ATXN2: variants seen among roughly 807,000 people sequenced by gnomAD.
ATXN2 encodes ataxin 2.
In ATXN2, 37 loss-of-function variants were observed where a neutral mutation model predicts 138.6. The observed-to-expected ratio is 0.27, with a 90% CI of 0.21 to 0.35. The LOEUF (loss-of-function observed/expected upper bound fraction) is 0.35, where lower values mean the gene tolerates loss of function less well. ATXN2 is among the 10% of genes least tolerant of loss of function. The pLI is 1.00. For synonymous variants in ATXN2, 549 were observed against 543.7 expected, an observed-to-expected ratio of 1.01 and a Z score of -0.13; for missense variants, 1,216 against 1,480.3, an observed-to-expected ratio of 0.82 and a Z score of 2.93.
At chr12:111,576,116 A>ATAACATAACATAACG (rs1688756017) in intron 1 of ATXN2, among the ~76,000 whole-genome samples, 1 of 138,392 alleles carries the variant, frequency 7.2e-6, no homozygotes, top group East Asian at 2.2e-4. Flanking sequence ...ATAACATAAC[A>ATAACATAACATAACG]TAACATAACA....
At chr12:111,589,509 T>A (rs1253580939) in intron 1 of ATXN2, among the ~76,000 whole-genome samples, 1 of 151,962 alleles carries the variant, frequency 6.6e-6, no homozygotes, top group African/African-American at 2.4e-5. Flanking sequence ...CAGTGGCTTA[T>A]GCCTGTAATT....
chr12:111,462,869 A>G (rs564583098), intron 21 of ATXN2, among the ~76,000 whole-genome samples: 1 of 152,150 alleles, frequency 6.6e-6, no homozygotes, highest in Non-Finnish European at 1.5e-5. Flanking sequence ...CTTTAATAGT[A>G]TATACATACA....
In ATXN2 at chr12:111,599,081, G is replaced by C. The variant is rs1205645770; in HGVS notation, c.-47C>G. On this transcript the variant is annotated 5_prime_UTR_variant, in exon 1 of 25. Transcript: ENST00000673436. ...CTCGCACGCCGGGCGGGGACAGCCG[G>C]GAGCCGGGCGCGCCAAGGAGACGCC... 7.2e-7 allele frequency: 1 copy of C among 1,380,952 alleles called. No homozygotes were observed. The highest frequency in any genetic ancestry group is 1.5e-5 in the African/African-American group (1 of 66,370). The allele number at this position is 1,380,952 out of a possible 1,614,324, so 85.5% of individuals were successfully genotyped here. A position where few individuals can be genotyped will look rare whatever the true frequency, so the allele number is the denominator to read the frequency against.
At chr12:111,569,747 A>G (rs1883208717) in intron 1 of ATXN2, among the ~76,000 whole-genome samples, 1 of 152,064 alleles carries the variant, frequency 6.6e-6, no homozygotes, top group African/African-American at 2.4e-5. Flanking sequence ...CACTCTTCAT[A>G]TGAAGTTTTA....
chr12:111,554,324 G>T (rs1285861269), intron 2 of ATXN2, 107 bp from the exon 3 acceptor site: 4 of 708,766 alleles, frequency 5.6e-6, no homozygotes, highest in Non-Finnish European at 6.3e-6. Context: ...ATTTTTTTCG[G>T]ATTTGGGGAT....
At chr12:111,590,879 A>G (rs1050053229) in intron 1 of ATXN2, among the ~76,000 whole-genome samples, 2 of 151,870 alleles carry the variant, frequency 1.3e-5, no homozygotes, top group Admixed American at 1.3e-4. Flanking sequence ...ATGCATAATG[A>G]TCTGAGGTGG....
At chr12:111,562,662 G>A (rs759576261) in intron 1 of ATXN2, among the ~76,000 whole-genome samples, 3 of 143,796 alleles carry the variant, frequency 2.1e-5, no homozygotes, top group Admixed American at 7.3e-5. Context: ...AGAGGTTGCA[G>A]TGAGCCAAGA....
chr12:111,488,187 A>G (rs973451354), intron 15 of ATXN2, among the ~76,000 whole-genome samples: 1 of 152,174 alleles, frequency 6.6e-6, no homozygotes, highest in African/African-American at 2.4e-5. Context: ...CCCTGAATTG[A>G]TAATTTTTCA....
chr12:111,552,877 G>C lies in ATXN2; in HGVS notation c.420+29C>G, dbSNP rs1478129527. 1.4e-6 allele frequency: 2 copies of C among 1,419,112 alleles called. No individual in the cohort carries two copies. Among genetic ancestry groups the C allele is most frequent in the African/African-American group, 1.5e-5 (1 of 67,858 alleles). 87.9% of individuals were successfully genotyped at this position (1,419,112 alleles called of 1,614,324 possible). ...GACTATGAAAATGTTCTTTTACTTT[G>C]TAAGAAAAAGAAAAAAAGTAAAAAT... is the stretch of plus-strand genomic sequence containing the variant. On this transcript the variant is annotated intron_variant, in intron 4 of 24. Transcript: ENST00000673436. This position sits in a 1 kb window ranked among gnomAD's most constrained non-coding sequence, Gnocchi z 4.1.
At chr12:111,597,775 G>C (rs371770854) in intron 1 of ATXN2, 1 of 1,054,236 alleles carries the variant, frequency 9.5e-7, no homozygotes, top group Admixed American at 2.3e-5. Context: ...ACCCGACCAC[G>C]TCCCCTGCTG....
In ATXN2 at chr12:111,453,821, G is replaced by A. The variant is rs765010982; in HGVS notation, c.3295C>T (p.Pro1099Ser). Residue 1099 changes from proline to serine, a missense_variant, in exon 24 of 25, where the codon CCT becomes TCT. Transcript: ENST00000673436. This position sits in a 1 kb window ranked among gnomAD's most constrained non-coding sequence, Gnocchi z 5.4. ...PQAHVQSGMV[P>S]SHPTAHAPMM... The stretch of plus-strand genomic sequence containing the variant: ...GGCGCATGGGCAGTTGGATGAGAAG[G>A]AACCATTCCTGACTGTACATGAGCC... 6 of 1,613,628 alleles carry A rather than the reference G, an allele frequency of 3.7e-6. No individual in the cohort carries two copies. Among genetic ancestry groups the A allele is most frequent in the Non-Finnish European group, 5.1e-6 (6 of 1,179,734 alleles).
chr12:111,566,750 C>T (rs765582074), intron 1 of ATXN2, among the ~76,000 whole-genome samples: 1 of 151,996 alleles, frequency 6.6e-6, no homozygotes. Flanking sequence ...GATTCTCCTG[C>T]CTCAGTCTCC....
intron 5 of ATXN2, among the ~76,000 whole-genome samples, chr12:111,535,183 G>A (rs1881078150): frequency 6.6e-6 from 1 of 152,162 alleles, no homozygotes. Context: ...AACAGCCATT[G>A]TTACAGGCAA....
chr12:111,562,180 TGCCAAC>T (rs1882728756), intron 1 of ATXN2, among the ~76,000 whole-genome samples: 3 of 151,118 alleles, frequency 2.0e-5, no homozygotes, highest in African/African-American at 7.3e-5. Flanking sequence ...ATGCCTGTAA[TGCCAAC>T]TAATCCAGAG....
upstream of ATXN2, chr12:111,599,485 A>G (rs775766002): frequency 5.1e-4 from 618 of 1,213,936 alleles, 5 homozygotes; most frequent in South Asian, 3.4e-3. Context: ...CCACCGCGGG[A>G]CTCCGAGGAG....
intron 3 of ATXN2, 31 bp from the exon 4 acceptor site, chr12:111,553,008 A>G: frequency 7.2e-7 from 1 of 1,395,572 alleles, no homozygotes; most frequent in Non-Finnish European, 9.7e-7. Context: ...TATCAAAGAA[A>G]CAGTATACTA....
At chr12:111,547,878 T>C (rs1592888808) in intron 5 of ATXN2, among the ~76,000 whole-genome samples, 1 of 141,464 alleles carries the variant, frequency 7.1e-6, no homozygotes, top group Admixed American at 7.2e-5. Flanking sequence ...GCTTTATTTG[T>C]GGAGAAATCC....
At chr12:111,509,854 T>G (rs1416128150) in intron 13 of ATXN2, 37 bp downstream of exon 13, 10 of 1,444,992 alleles carry the variant, frequency 6.9e-6, no homozygotes, top group Non-Finnish European at 9.7e-6. Flanking sequence ...TTCTTCCTAT[T>G]CCTACAGTTA....
intron 1 of ATXN2, among the ~76,000 whole-genome samples, chr12:111,569,466 C>A (rs547988852): frequency 1.2e-4 from 19 of 152,278 alleles, no homozygotes; most frequent in African/African-American, 4.1e-4. Context: ...CAGTGGCCCA[C>A]ACCTGCAATC....
Sources: gnomAD v4.1 joint callset for allele counts (sites outside exome capture counted in the v4.1 genomes callset) on GRCh38, gnomAD v4.1.1 for gene constraint, Gnocchi (gnomAD v3.1) non-coding constraint, MANE v1.5 for transcripts, NCBI Gene and HGNC (gene_info 2026-07-23, HGNC 2026-07-21) for gene names.